The following CUX2 variants were observed in gnomAD, a reference collection of about 807,000 sequenced individuals.
The protein encoded by CUX2 is homeobox protein cut-like 2.
A neutral mutation model predicts 144.8 loss-of-function variants in CUX2; 40 were observed. That is an observed-to-expected ratio of 0.28 (90% CI 0.21 to 0.36). CUX2 has a LOEUF of 0.36. Among genes scored for constraint, CUX2 ranks in the 10% least tolerant of loss-of-function variants. The pLI is 1.00. For synonymous variants in CUX2, 827 were observed against 875.6 expected, an observed-to-expected ratio of 0.94 and a Z score of 0.98; for missense variants, 1,615 against 1,994.0, an observed-to-expected ratio of 0.81 and a Z score of 3.62.
chr12:111,309,180 C>T (rs1324681916), intron 14 of CUX2, among the ~76,000 whole-genome samples: 3 of 152,228 alleles, frequency 2.0e-5, no homozygotes, highest in African/African-American at 7.2e-5. Context: ...GCTGGGATTA[C>T]AGGCATAAGC....
At chr12:111,048,321 C>T (rs559389026) in intron 1 of CUX2, among the ~76,000 whole-genome samples, 2 of 152,304 alleles carry the variant, frequency 1.3e-5, no homozygotes, top group East Asian at 3.9e-4. Context: ...GTCATCTCTG[C>T]CCAGAGAGGA....
chr12:111,262,117 C>T (rs1055793533), intron 3 of CUX2, among the ~76,000 whole-genome samples: 1 of 152,108 alleles, frequency 6.6e-6, no homozygotes, highest in African/African-American at 2.4e-5. Context: ...TTCTGCCAAG[C>T]GTTTAGCACT....
chr12:111,273,168 G>A (rs1884709063), intron 4 of CUX2, among the ~76,000 whole-genome samples: 1 of 152,190 alleles, frequency 6.6e-6, no homozygotes, highest in Admixed American at 6.5e-5. Context: ...AAGGATGGCT[G>A]GCAGAGGCCT....
intron 1 of CUX2, among the ~76,000 whole-genome samples, chr12:111,210,881 C>A (rs943014006): frequency 5.9e-5 from 9 of 152,094 alleles, no homozygotes; most frequent in African/African-American, 2.2e-4. Flanking sequence ...GAACACCCCC[C>A]AGCTGATGGA....
intron 3 of CUX2, among the ~76,000 whole-genome samples, chr12:111,252,301 G>A (rs553087833): frequency 3.4e-4 from 52 of 152,226 alleles, no homozygotes; most frequent in Non-Finnish European, 5.9e-4. Context: ...CTTTACAGAT[G>A]GGGAAACTGA....
intron 4 of CUX2, 40 bp from the exon 5 acceptor site, chr12:111,291,378 A>T (rs780165727): frequency 2.9e-5 from 46 of 1,562,810 alleles, no homozygotes; most frequent in Middle Eastern, 4.4e-4. Context: ...GTCCCTATCC[A>T]TCAGGCCCTC....
rs76584144 is a variant in CUX2, at chr12:111,188,612, A to C, written c.64-25588A>C. Among the ~76,000 whole-genome samples, 447 of 151,798 alleles carry C rather than the reference A, an allele frequency of 2.9e-3. 2 individuals are homozygous for C. The highest frequency in any genetic ancestry group is 0.011 in the African/African-American group (435 of 41,404). Reference sequence around the variant, plus strand: ...AGGTAGCCAGATGCTTGGCCAAAGAACGTCAGAGTGGTTGGAACCCAGAGA... The same window carrying C: ...AGGTAGCCAGATGCTTGGCCAAAGACCGTCAGAGTGGTTGGAACCCAGAGA... On this transcript the variant is annotated intron_variant, in intron 1 of 21. Transcript: ENST00000261726.
chr12:111,342,059 ACTATGGGGGCGTAC>A lies in CUX2; in HGVS notation c.3659+8_3659+21del. ...AACTGGTTCCACAACTACAGGTGGG[ACTATGGGGGCGTAC>A]CCACAGGCGGGTGGCAGAATCCAGG... On this transcript the variant is annotated splice_region_variant and intron_variant, in intron 21 of 21. Transcript: ENST00000261726. 6.2e-7 allele frequency: 1 copy of A among 1,607,662 alleles called. No homozygotes were observed. Among genetic ancestry groups the A allele is most frequent in the Non-Finnish European group, 8.5e-7 (1 of 1,176,396 alleles).
chr12:111,303,828 C>T (rs1886439931), intron 9 of CUX2, among the ~76,000 whole-genome samples: 1 of 152,068 alleles, frequency 6.6e-6, no homozygotes, highest in African/African-American at 2.4e-5. Context: ...GTTAATGTGG[C>T]AGACAGAAGT....
At chr12:111,163,873 A>G (rs1237729258) in intron 1 of CUX2, among the ~76,000 whole-genome samples, 1 of 152,128 alleles carries the variant, frequency 6.6e-6, no homozygotes, top group Non-Finnish European at 1.5e-5. Flanking sequence ...TTAGTCCCCA[A>G]CATAGAACCA....
intron 1 of CUX2, among the ~76,000 whole-genome samples, chr12:111,062,742 T>C (rs1334853291): frequency 6.6e-6 from 1 of 152,188 alleles, no homozygotes; most frequent in East Asian, 1.9e-4. Context: ...GAGACCATAT[T>C]ACAGGGACCA....
At chr12:111,192,847 A>G (rs1296182239) in intron 1 of CUX2, among the ~76,000 whole-genome samples, 1 of 152,220 alleles carries the variant, frequency 6.6e-6, no homozygotes. Context: ...AAGCTATCCA[A>G]GGTGTGATGA....
chr12:111,059,607 T>C lies in CUX2; in HGVS notation c.63+25367T>C, dbSNP rs573127007. ...TTTCTGTATCCTAGAGGTGGGGAGG[T>C]GGGAGATGAAGTGGGGGCAGGGTGG... On this transcript the variant is annotated intron_variant, in intron 1 of 21. Transcript: ENST00000261726. The surrounding 1 kb of genome is among the most constrained non-coding windows in gnomAD (Gnocchi z 5.3). Among the ~76,000 whole-genome samples, 1 of 151,096 alleles carries C rather than the reference T, an allele frequency of 6.6e-6. No individual in the cohort carries two copies. Among genetic ancestry groups the C allele is most frequent in the Admixed American group, 6.6e-5 (1 of 15,166 alleles).
intron 1 of CUX2, among the ~76,000 whole-genome samples, chr12:111,115,709 G>A (rs539497825): frequency 2.6e-5 from 4 of 152,032 alleles, no homozygotes; most frequent in South Asian, 2.1e-4. Context: ...CTCCTGACTC[G>A]ATGATCCAGC....
chr12:111,311,600 A>AT (rs1490811302), intron 15 of CUX2, among the ~76,000 whole-genome samples: 28 of 138,438 alleles, frequency 2.0e-4, no homozygotes, highest in African/African-American at 4.6e-4. Context: ...CTTTATTATT[A>AT]TTATTTTTTT....
At chr12:111,285,527 T>C (rs1004830007) in intron 4 of CUX2, among the ~76,000 whole-genome samples, 4 of 152,220 alleles carry the variant, frequency 2.6e-5, no homozygotes, top group Non-Finnish European at 2.9e-5. Flanking sequence ...TCTTTAGGAC[T>C]GAGTCCCTGA....
chr12:111,259,067 G>GTGTGTT (rs1279293498), intron 3 of CUX2, among the ~76,000 whole-genome samples: 2 of 148,794 alleles, frequency 1.3e-5, no homozygotes, highest in African/African-American at 5.1e-5. Context: ...GTGTGTGTGT[G>GTGTGTT]TGTGTTTGTG....
At chr12:111,309,931 T>C (rs1357132487) in intron 14 of CUX2, 110 bp from the exon 15 acceptor site, 1 of 981,960 alleles carries the variant, frequency 1.0e-6, no homozygotes, top group Non-Finnish European at 1.3e-6. Context: ...CTCTTTCTCG[T>C]TGTCTCTCTC....
At chr12:111,088,738 C>G (rs775355191) in intron 1 of CUX2, among the ~76,000 whole-genome samples, 2 of 152,146 alleles carry the variant, frequency 1.3e-5, no homozygotes, top group African/African-American at 4.8e-5. Context: ...AGGCCCTGAG[C>G]CCTTAGTTCT....
Sources: gnomAD v4.1 joint callset for allele counts (sites outside exome capture counted in the v4.1 genomes callset) on GRCh38, gnomAD v4.1.1 for gene constraint, Gnocchi (gnomAD v3.1) non-coding constraint, MANE v1.5 for transcripts, NCBI Gene and HGNC (gene_info 2026-07-23, HGNC 2026-07-21) for gene names.